WNT7B: variants seen among roughly 807,000 people sequenced by gnomAD.
WNT7B encodes the protein protein Wnt-7b.
In WNT7B, 19 loss-of-function variants were observed where a neutral mutation model predicts 38.2. That is an observed-to-expected ratio of 0.50 (90% CI 0.35 to 0.73). WNT7B has a LOEUF of 0.73. WNT7B is among the 30% of genes least tolerant of loss of function. The pLI is 0.01. For missense variants in WNT7B, 423 were observed against 507.9 expected, an observed-to-expected ratio of 0.83 and a Z score of 1.61; for synonymous variants, 243 against 209.3, an observed-to-expected ratio of 1.16 and a Z score of -1.39.
intron 1 of WNT7B, chr22:45,972,517 C>G (rs1015331049): frequency 1.2e-5 from 2 of 172,472 alleles, no homozygotes; most frequent in African/African-American, 4.8e-5. Context: ...GGACCTCCGT[C>G]CGTCTGTCGG....
intron 1 of WNT7B, among the ~76,000 whole-genome samples, chr22:45,962,467 C>G (rs1488048988): frequency 1.3e-5 from 2 of 152,156 alleles, no homozygotes; most frequent in African/African-American, 2.4e-5. Context: ...GGGGCAGGTA[C>G]CTTGCTCCCT....
In WNT7B at chr22:45,921,041, C is replaced by G. The variant is rs991504013; in HGVS notation, c.*1815G>C. ...CACAGGGCCAGAGCCCAGGAGGGAC[C>G]CACTTGCCCCAGGCTGAGCCCAGGC... On this transcript the variant is annotated 3_prime_UTR_variant, in exon 4 of 4. Coordinates refer to ENST00000339464, the MANE Select transcript of WNT7B (RefSeq NM_058238.3). 6.6e-6 allele frequency: 1 copy of G among 152,206 alleles called. No homozygotes were observed. The highest frequency in any genetic ancestry group is 1.5e-5 in the Non-Finnish European group (1 of 68,096). The allele number at this position is 152,206 out of a possible 1,614,324, so 9.4% of individuals were successfully genotyped here.
chr22:45,955,027 A>G (rs1410306041), intron 1 of WNT7B, among the ~76,000 whole-genome samples: 3 of 152,250 alleles, frequency 2.0e-5, no homozygotes, highest in Non-Finnish European at 4.4e-5. Flanking sequence ...ACACGCTGGA[A>G]CATGGCCTGG....
chr22:45,934,058 C>T (rs1931449326), intron 2 of WNT7B, among the ~76,000 whole-genome samples: 1 of 152,246 alleles, frequency 6.6e-6, no homozygotes. Context: ...CACACCCAGC[C>T]CTCACATGCG....
intron 2 of WNT7B, among the ~76,000 whole-genome samples, chr22:45,949,572 G>A (rs983982008): frequency 2.0e-5 from 3 of 152,238 alleles, no homozygotes; most frequent in African/African-American, 7.2e-5. Context: ...ACGGCTGCTA[G>A]GCAGCGAAAG....
intron 1 of WNT7B, among the ~76,000 whole-genome samples, chr22:45,957,696 A>C (rs1932101457): frequency 6.7e-6 from 1 of 149,322 alleles, no homozygotes; most frequent in African/African-American, 2.5e-5. Context: ...AAAAAAAAAA[A>C]AAAAAAAAAA....
chr22:45,962,762 T>TCCTGGC (rs373331722), intron 1 of WNT7B, among the ~76,000 whole-genome samples: 1,846 of 152,348 alleles, frequency 0.012, 28 homozygotes, highest in African/African-American at 0.042. Flanking sequence ...GGAGTCCCAG[T>TCCTGGC]CCTGGCCCTG....
At position 45,965,216 on chromosome 22, in the gene WNT7B, G is replaced by A. The variant is rs1458702319; in HGVS notation, c.71+11468C>T. Among the ~76,000 whole-genome samples, 1 of 152,136 alleles carries A rather than the reference G, an allele frequency of 6.6e-6. No homozygotes were observed. Among genetic ancestry groups the A allele is most frequent in the Non-Finnish European group, 1.5e-5 (1 of 68,032 alleles). On this transcript the variant is annotated intron_variant, in intron 1 of 3. Coordinates refer to ENST00000339464, the MANE Select transcript of WNT7B (RefSeq NM_058238.3). This position sits in a 1 kb window ranked among gnomAD's most constrained non-coding sequence, Gnocchi z 6.5. ...AACCCACCTTCCTTCCCTCCAGCAG[G>A]TCCTTCAGGGCCGAGGTCAGAGGCT...
intron 2 of WNT7B, chr22:45,935,929 C>T (rs1931504169): frequency 1.0e-6 from 1 of 985,162 alleles, no homozygotes. Flanking sequence ...AGCTGTCCTG[C>T]TGGTACACTT....
At chr22:45,926,523 A>C in intron 3 of WNT7B, 1 of 985,396 alleles carries the variant, frequency 1.0e-6, no homozygotes, top group African/African-American at 1.7e-5. Context: ...GGGTTGGTGG[A>C]CTAAAGTCCT....
intron 1 of WNT7B, among the ~76,000 whole-genome samples, chr22:45,959,463 C>T (rs1687149189): frequency 6.6e-6 from 1 of 152,140 alleles, no homozygotes; most frequent in Non-Finnish European, 1.5e-5. Context: ...CCGCCAGCAA[C>T]AGGACAAGCT....
At chr22:45,969,768 G>C (rs752507019) in intron 1 of WNT7B, among the ~76,000 whole-genome samples, 2 of 152,238 alleles carry the variant, frequency 1.3e-5, no homozygotes, top group Non-Finnish European at 2.9e-5. Flanking sequence ...GTCAGCCAGC[G>C]TCTGGGATCC....
At chr22:45,923,465 G>C in intron 3 of WNT7B, 130 bp from the exon 4 acceptor site, 1 of 1,343,248 alleles carries the variant, frequency 7.4e-7, no homozygotes, top group Non-Finnish European at 9.9e-7. Flanking sequence ...ACAGGTGAGT[G>C]TCTCTCCCTC....
intron 1 of WNT7B, among the ~76,000 whole-genome samples, chr22:45,968,353 G>A (rs1435319901): frequency 2.0e-5 from 3 of 152,062 alleles, no homozygotes; most frequent in East Asian, 1.9e-4. Flanking sequence ...CCTGCACACC[G>A]ACCACACCAG....
chr22:45,949,294 T>G (rs1183191093), intron 2 of WNT7B, among the ~76,000 whole-genome samples: 2 of 152,174 alleles, frequency 1.3e-5, no homozygotes, highest in Middle Eastern at 3.4e-3. Context: ...CAGGTTTCGG[T>G]GATTGCTTGG....
At position 45,956,861 on chromosome 22, in the gene WNT7B, A is replaced by G. The variant is rs561839029; in HGVS notation, c.72-6715T>C. On this transcript the variant is annotated intron_variant, in intron 1 of 3. Coordinates refer to ENST00000339464, the MANE Select transcript of WNT7B (RefSeq NM_058238.3). The stretch of plus-strand genomic sequence containing the variant: ...GGTGGCTCACGCCTGTAATCCCAGC[A>G]CTTTGGGAGGCTGAGATGGGTGGAT... Among the ~76,000 whole-genome samples, 32 of 152,268 alleles carry G rather than the reference A, an allele frequency of 2.1e-4. No individual in the cohort carries two copies. In the South Asian group the frequency reaches 6.0e-3, roughly 29 times the overall value.
At chr22:45,938,375 A>G (rs1220065060) in intron 2 of WNT7B, among the ~76,000 whole-genome samples, 3 of 152,042 alleles carry the variant, frequency 2.0e-5, no homozygotes, top group African/African-American at 7.2e-5. Flanking sequence ...TGTGGCTCAC[A>G]CCTGTAATCT....
chr22:45,946,335 C>G (rs1309724242), intron 2 of WNT7B, among the ~76,000 whole-genome samples: 1 of 152,198 alleles, frequency 6.6e-6, no homozygotes, highest in East Asian at 1.9e-4. Flanking sequence ...TGGCCTGGGT[C>G]ACCCCCTCCG....
chr22:45,949,866 C>T (rs1931888211), intron 2 of WNT7B, 54 bp downstream of exon 2: 1 of 1,542,484 alleles, frequency 6.5e-7, no homozygotes, highest in South Asian at 1.2e-5. Context: ...GGTGGCCTGG[C>T]CTACTGCCCC....
Sources: gnomAD v4.1 joint callset for allele counts (sites outside exome capture counted in the v4.1 genomes callset) on GRCh38, gnomAD v4.1.1 for gene constraint, Gnocchi (gnomAD v3.1) non-coding constraint, MANE v1.5 for transcripts, NCBI Gene and HGNC (gene_info 2026-07-23, HGNC 2026-07-21) for gene names.